Variants in FLRT1 observed in about 807,000 individuals in gnomAD.
FLRT1 encodes leucine-rich repeat transmembrane protein FLRT1.
A neutral mutation model predicts 30.9 loss-of-function variants in FLRT1; 14 were observed. The observed-to-expected ratio is 0.45, with a 90% CI of 0.30 to 0.71. The LOEUF (loss-of-function observed/expected upper bound fraction) is 0.71. Among genes scored for constraint, FLRT1 ranks in the 30% least tolerant of loss-of-function variants. The pLI is 0.08. For synonymous variants in FLRT1, 368 were observed against 430.4 expected (o/e 0.85, Z 1.80); for missense variants, 737 against 949.2 (o/e 0.78, Z 2.94).
chr11:64,072,839 C>T (rs1250806469), intron 1 of FLRT1, among the ~76,000 whole-genome samples: 1 of 152,232 alleles, frequency 6.6e-6, no homozygotes, highest in Non-Finnish European at 1.5e-5. Context: ...ACCAGAGCGT[C>T]TGAGGGTCTG....
chr11:64,095,633 C>T (rs373026272), intron 1 of FLRT1, among the ~76,000 whole-genome samples: 1 of 152,196 alleles, frequency 6.6e-6, no homozygotes, highest in Admixed American at 6.5e-5. Context: ...CCCAGCTGCA[C>T]CTGAGTAACT....
intron 2 of FLRT1, among the ~76,000 whole-genome samples, chr11:64,107,099 G>A (rs1251717073): frequency 6.6e-6 from 1 of 152,008 alleles, no homozygotes; most frequent in Non-Finnish European, 1.5e-5. Flanking sequence ...GACCAGGCTG[G>A]TTTTGAACTC....
intron 2 of FLRT1, among the ~76,000 whole-genome samples, chr11:64,104,790 G>C (rs1278456622): frequency 6.6e-6 from 1 of 152,168 alleles, no homozygotes; most frequent in East Asian, 1.9e-4. Flanking sequence ...CTGAGGCCCA[G>C]AGAAGGGCAG....
chr11:64,086,701 G>A (rs1944401704), intron 1 of FLRT1, among the ~76,000 whole-genome samples: 1 of 152,186 alleles, frequency 6.6e-6, no homozygotes, highest in Non-Finnish European at 1.5e-5. Context: ...CAGAGAGGGG[G>A]AGAAGGGCAT....
At position 64,082,808 on chromosome 11, in the gene FLRT1, C is replaced by T. The variant is rs1195221257; in HGVS notation, c.-1037-20386C>T. 6.6e-6 allele frequency: 1 copy of T among 152,448 alleles called. No homozygotes were observed. The highest frequency in any genetic ancestry group is 2.4e-5 in the African/African-American group (1 of 41,450). 9.4% of individuals were successfully genotyped at this position (152,448 alleles called of 1,614,324 possible). A position where few individuals can be genotyped will look rare whatever the true frequency, so the allele number is the denominator to read the frequency against. On this transcript the variant is annotated intron_variant, in intron 1 of 2. Coordinates refer to ENST00000682287, the MANE Select transcript of FLRT1 (RefSeq NM_013280.5). This position sits in a 1 kb window ranked among gnomAD's most constrained non-coding sequence, Gnocchi z 4.5. ...TCACCTGCTCCCATTTCCCCTGTTT[C>T]CCTCAGCTCAGACATCACCACGACC...
At position 64,105,192 on chromosome 11, in the gene FLRT1, G is replaced by A. The variant is rs964946559; in HGVS notation, c.-50+1011G>A. On this transcript the variant is annotated intron_variant, in intron 2 of 2. Transcript: ENST00000682287. ...AGTGCGCCAGCCCGACAGCGGGGCCGCGAGCGTGCCTGAGCCGGAGCTGGG... is the reference window on the plus strand; with the variant it reads ...AGTGCGCCAGCCCGACAGCGGGGCCACGAGCGTGCCTGAGCCGGAGCTGGG... Among the ~76,000 whole-genome samples the A allele has an allele frequency of 3.3e-5, 5 of 152,342 alleles. No individual in the cohort carries two copies. The South Asian group carries it at 8.3e-4, about 25-fold the overall frequency.
intron 2 of FLRT1, among the ~76,000 whole-genome samples, chr11:64,114,807 C>T (rs1188922885): frequency 3.3e-5 from 5 of 152,048 alleles, no homozygotes; most frequent in African/African-American, 1.2e-4. Context: ...GGTGGGTGGA[C>T]AGATGGATGG....
chr11:64,039,456 G>A (rs970753244), intron 1 of FLRT1, among the ~76,000 whole-genome samples: 4 of 152,278 alleles, frequency 2.6e-5, no homozygotes, highest in Admixed American at 1.3e-4. Flanking sequence ...TTGTTCTGCC[G>A]GAGACAAAGT....
At position 64,117,489 on chromosome 11, in the gene FLRT1, T is replaced by C. The variant is rs746351609; in HGVS notation, c.1222T>C (p.Ser408Pro). 8 of 1,611,998 alleles carry C rather than the reference T, an allele frequency of 5.0e-6. No homozygotes were observed. The highest frequency in any genetic ancestry group is 5.9e-6 in the Non-Finnish European group (7 of 1,178,538). The change falls in exon 3 of 3, where the codon TCC becomes CCC. Residue 408 changes from serine (S) to proline (P), a missense_variant. Physicochemically the swap from Ser to Pro is moderately conservative, Grantham distance 74 (BLOSUM62 -1). Transcript: ENST00000682287. ...NHASATTPQGSLFTLKAKRPG... is the reference protein window; with the variant it reads ...NHASATTPQGPLFTLKAKRPG... ...CGCCTCTGCCACCACGCCCCAGGGTTCCCTGTTTACCCTCAAGGCCAAAAG... is the reference window on the plus strand; with the variant it reads ...CGCCTCTGCCACCACGCCCCAGGGTCCCCTGTTTACCCTCAAGGCCAAAAG...
chr11:64,039,612 C>A (rs990019776), intron 1 of FLRT1, among the ~76,000 whole-genome samples: 3 of 152,196 alleles, frequency 2.0e-5, no homozygotes, highest in Non-Finnish European at 2.9e-5. Context: ...TTGCCCTCCT[C>A]CCCCCGGACA....
At chr11:64,076,632 G>A (rs148284382) in intron 1 of FLRT1, among the ~76,000 whole-genome samples, 43 of 152,292 alleles carry the variant, frequency 2.8e-4, no homozygotes, top group Admixed American at 2.8e-3. Flanking sequence ...ATTTTCCAGA[G>A]GAGGAAGCTG....
rs543475672 is a variant in FLRT1, at chr11:64,085,193, G to A, written c.-1037-18001G>A. ...GAGGGCAGCTTGGAGGAGCACGCCC[G>A]AGTGGACAGGTGGGGAGCTGGAAGG... On this transcript the variant is annotated intron_variant, in intron 1 of 2. Transcript: ENST00000682287. Among the ~76,000 whole-genome samples, 9 of 152,284 alleles carry A rather than the reference G, an allele frequency of 5.9e-5. No homozygotes were observed. In the East Asian group the frequency reaches 1.5e-3, roughly 26 times the overall value.
At chr11:64,105,062 C>A (rs902341674) in intron 2 of FLRT1, among the ~76,000 whole-genome samples, 21 of 152,236 alleles carry the variant, frequency 1.4e-4, no homozygotes, top group Non-Finnish European at 1.3e-4. Context: ...TTCGTCAGCA[C>A]GGCGCAGCAT....
chr11:64,116,541 C>G lies in FLRT1; in HGVS notation c.274C>G (p.Gln92Glu), dbSNP rs754936235. The G allele has an allele frequency of 4.3e-6, 7 of 1,614,062 alleles. No individual in the cohort carries two copies. The highest frequency in any genetic ancestry group is 5.9e-6 in the Non-Finnish European group (7 of 1,179,982). ...DATTLYLQNN[Q>E]INNAGIPQDL... ...CACCACCCTCTACCTGCAGAACAAC[C>G]AGATCAACAACGCCGGCATCCCCCA... The change falls in exon 3 of 3, where the codon CAG becomes GAG. Residue 92 changes from glutamine (Q) to glutamate (E), a missense_variant. By Grantham distance (29) the Gln-to-Glu change is conservative (BLOSUM62 2). Transcript: ENST00000682287.
In FLRT1 at chr11:64,082,289, CTG is replaced by C. The variant is rs752983429; in HGVS notation, c.-1037-20904_-1037-20903del. On this transcript the variant is annotated intron_variant, in intron 1 of 2. Transcript: ENST00000682287. This position sits in a 1 kb window ranked among gnomAD's most constrained non-coding sequence, Gnocchi z 4.5. ...TGGGGGGTGGAGAAAATCTTGCCTC[CTG>C]CTCTGAGCAGCCAGCAGAGACGCTG... 1.7e-4 allele frequency among the ~76,000 whole-genome samples: 26 copies of C among 152,246 alleles called. No homozygotes were observed. Among genetic ancestry groups the C allele is most frequent in the Admixed American group, 3.9e-4 (6 of 15,308 alleles).
rs1945039298 is a variant in FLRT1, at chr11:64,118,528, T to C, written c.*236T>C. 6.4e-6 allele frequency: 3 copies of C among 470,404 alleles called. No homozygotes were observed. Among genetic ancestry groups the C allele is most frequent in the Non-Finnish European group, 1.1e-5 (3 of 261,718 alleles). 29.1% of individuals were successfully genotyped at this position (470,404 alleles called of 1,614,324 possible). On this transcript the variant is annotated 3_prime_UTR_variant, in exon 3 of 3. Transcript: ENST00000682287. ...ATTCGACATTGTTGAAGACATAATT[T>C]ATACCAAGTTATGCCAGTTGGGGAG...
At chr11:64,095,299 C>A (rs1230914487) in intron 1 of FLRT1, among the ~76,000 whole-genome samples, 1 of 152,214 alleles carries the variant, frequency 6.6e-6, no homozygotes, top group Non-Finnish European at 1.5e-5. Context: ...TCTCCTCTTT[C>A]AATTAACAAC....
In FLRT1 at chr11:64,096,523, C is replaced by A. The variant is rs765250624; in HGVS notation, c.-1037-6671C>A. On this transcript the variant is annotated intron_variant, in intron 1 of 2. Transcript: ENST00000682287. This position sits in a 1 kb window ranked among gnomAD's most constrained non-coding sequence, Gnocchi z 4.6. ...CTCCGCCTTCCGGGTTCAAGCAATT[C>A]TCTTGCCTCAGCCCACCGAGTAGCT... Among the ~76,000 whole-genome samples the A allele has an allele frequency of 1.3e-5, 2 of 151,984 alleles. No homozygotes were observed. Among genetic ancestry groups the A allele is most frequent in the Non-Finnish European group, 2.9e-5 (2 of 67,978 alleles).
intron 2 of FLRT1, among the ~76,000 whole-genome samples, chr11:64,106,004 G>A (rs1427420780): frequency 1.3e-5 from 2 of 152,148 alleles, no homozygotes; most frequent in African/African-American, 4.8e-5. Flanking sequence ...GCCCTCTGTA[G>A]GAAAGTGAGG....
Sources: allele counts gnomAD v4.1 joint callset (sites outside exome capture counted in the v4.1 genomes callset), GRCh38; gene constraint gnomAD v4.1.1; non-coding constraint Gnocchi (gnomAD v3.1); transcripts MANE v1.5; gene names NCBI Gene and HGNC (gene_info 2026-07-23, HGNC 2026-07-21).